The following CCPG1 variants were observed in gnomAD, a reference collection of about 807,000 sequenced individuals.
CCPG1 encodes cell cycle progression protein 1.
In CCPG1, 46 loss-of-function variants were observed where a neutral mutation model predicts 81.3. The observed-to-expected ratio is 0.57, with a 90% CI of 0.45 to 0.72. The LOEUF (loss-of-function observed/expected upper bound fraction) is 0.72, where lower values mean the gene tolerates loss of function less well. CCPG1 is among the 30% of genes least tolerant of loss of function. CCPG1 has a pLI of 0.00. For missense variants in CCPG1, 902 were observed against 937.6 expected (o/e 0.96, Z 0.50); for synonymous variants, 330 against 305.2 (o/e 1.08, Z -0.85).
At chr15:55,385,770 T>A in intron 2 of CCPG1, 56 bp from the exon 3 acceptor site, 1 of 870,788 alleles carries the variant, frequency 1.1e-6, no homozygotes, top group South Asian at 1.4e-5. Context: ...CAAAGCTAGA[T>A]TTGACTACAT....
chr15:55,359,265 A>G, intron 8 of CCPG1: 4 of 1,114,530 alleles, frequency 3.6e-6, no homozygotes, highest in Non-Finnish European at 4.4e-6. Context: ...AAACTTGGCC[A>G]AAGTAGGATT....
At chr15:55,372,194 G>A (rs532698274) in intron 5 of CCPG1, 150 bp from the exon 6 acceptor site, 9 of 698,360 alleles carry the variant, frequency 1.3e-5, no homozygotes, top group African/African-American at 5.4e-5. Flanking sequence ...ACAAAAACAC[G>A]GGTTTTCAAC....
At chr15:55,356,870 T>C in intron 8 of CCPG1, 1 of 986,088 alleles carries the variant, frequency 1.0e-6, no homozygotes, top group Non-Finnish European at 1.2e-6. Flanking sequence ...CAGGCTTCCG[T>C]CACTACTTCA....
At position 55,406,461 on chromosome 15, in the gene CCPG1, T is replaced by TG. The variant is rs796676789; in HGVS notation, c.-10+1759_-10+1760insC. Among the ~76,000 whole-genome samples, 9 of 145,914 alleles carry TG rather than the reference T, an allele frequency of 6.2e-5. 1 individual carries two copies. The highest frequency in any genetic ancestry group is 2.3e-4 in the African/African-American group (9 of 39,784). ...CTTTTTTTTTTTTTGTTTTTTTTTTTTTGTTTTTTTGAGATAATCTCACTC... is the reference window on the plus strand; with the variant it reads ...CTTTTTTTTTTTTTGTTTTTTTTTTTGTTGTTTTTTTGAGATAATCTCACTC... On this transcript the variant is annotated intron_variant, in intron 1 of 8. Transcript: ENST00000442196.
At chr15:55,399,516 G>A (rs914976947) in intron 1 of CCPG1, among the ~76,000 whole-genome samples, 2 of 151,824 alleles carry the variant, frequency 1.3e-5, no homozygotes, top group Non-Finnish European at 2.9e-5. Flanking sequence ...TTGAATCCAG[G>A]AGGCAGAGAT....
chr15:55,405,529 A>G (rs911529376), intron 1 of CCPG1, among the ~76,000 whole-genome samples: 31 of 152,068 alleles, frequency 2.0e-4, no homozygotes, highest in Admixed American at 2.0e-3. Flanking sequence ...CATACAATAG[A>G]GCAAGACTCT....
At chr15:55,374,276 G>C (rs750821045) in intron 5 of CCPG1, 1 of 1,174,388 alleles carries the variant, frequency 8.5e-7, no homozygotes. Flanking sequence ...AGGAAAAAAA[G>C]AGGCATAAAG....
At chr15:55,402,460 C>T (rs1213730371) in intron 1 of CCPG1, among the ~76,000 whole-genome samples, 1 of 152,150 alleles carries the variant, frequency 6.6e-6, no homozygotes, top group Non-Finnish European at 1.5e-5. Context: ...AACTCCTGAC[C>T]TCAGGTGATC....
At chr15:55,379,074 C>G (rs2056624442) in intron 3 of CCPG1, among the ~76,000 whole-genome samples, 1 of 144,736 alleles carries the variant, frequency 6.9e-6, no homozygotes, top group Admixed American at 6.8e-5. Context: ...TTCTAAAGAC[C>G]ATTCTAATGG....
Position 55,361,443 on chromosome 15 carries a change from C to T in CCPG1, c.829-499G>A, listed in dbSNP as rs187173837. The stretch of plus-strand genomic sequence containing the variant: ...AAATTATTAGCTGGGCGCGGTGGCT[C>T]ATGCCTGTAATCCCAGCACTTTGGG... On this transcript the variant is annotated intron_variant, in intron 7 of 8. Transcript: ENST00000442196. Among the ~76,000 whole-genome samples the T allele has an allele frequency of 3.0e-3, 463 of 151,850 alleles. 5 individuals carry two copies. The highest frequency in any genetic ancestry group is 0.011 in the African/African-American group (451 of 41,450).
At chr15:55,390,052 T>C (rs543703124) in intron 1 of CCPG1, among the ~76,000 whole-genome samples, 1 of 151,966 alleles carries the variant, frequency 6.6e-6, no homozygotes, top group African/African-American at 2.4e-5. Context: ...GCCTCCCGAG[T>C]AGCTGGGACT....
chr15:55,381,009 C>A (rs1410685879), intron 3 of CCPG1, among the ~76,000 whole-genome samples: 1 of 151,938 alleles, frequency 6.6e-6, no homozygotes, highest in South Asian at 2.1e-4. Context: ...TGGTGGTGGG[C>A]ACCTGTAGTC....
intron 6 of CCPG1, among the ~76,000 whole-genome samples, chr15:55,366,976 C>T (rs1456368258): frequency 3.9e-5 from 6 of 152,166 alleles, no homozygotes. Context: ...AGAAAGGATG[C>T]AGTGATCACT....
At position 55,372,044 on chromosome 15, in the gene CCPG1, A is replaced by C; in HGVS notation, c.455T>G (p.Val152Gly). 1 of 1,609,398 alleles carries C rather than the reference A, an allele frequency of 6.2e-7. No homozygotes were observed. Among genetic ancestry groups the C allele is most frequent in the Non-Finnish European group, 8.5e-7 (1 of 1,177,732 alleles). The part of the protein sequence containing the change: ...SQYTFCQPET[V>G]FSSQPSDDES... ...ATCGTCACTAGGCTGAGATGAAAAT[A>C]CTATTAAGAAAAAAGTTGACATTTA... is the stretch of plus-strand genomic sequence containing the variant. The change falls in exon 6 of 9, where the codon GTA becomes GGA. Residue 152 changes from valine to glycine, a missense_variant and splice_region_variant. Val to Gly is a moderately radical substitution (Grantham distance 109, BLOSUM62 -3). Transcript: ENST00000442196.
chr15:55,361,523 T>G (rs540805842), intron 7 of CCPG1, among the ~76,000 whole-genome samples: 1 of 151,366 alleles, frequency 6.6e-6, no homozygotes, highest in African/African-American at 2.4e-5. Context: ...CTGGCCTACG[T>G]GGTGAAACCC....
chr15:55,361,248 A>G (rs1166317193), intron 7 of CCPG1, among the ~76,000 whole-genome samples: 1 of 150,500 alleles, frequency 6.6e-6, no homozygotes, highest in African/African-American at 2.4e-5. Context: ...GCTCACTATA[A>G]CCTCTGCCTC....
chr15:55,359,994 C>A lies in CCPG1; in HGVS notation c.1779G>T (p.Arg593Ser). The change falls in exon 8 of 9, where the codon AGG becomes AGT. Residue 593 changes from arginine to serine, a missense_variant. This residue lies in a region of CCPG1 where 746 missense variants were observed against 728.6 expected (regional missense o/e 1.02). Transcript: ENST00000442196. ...CTTTAAAGTGAACTGGCTTTTCTTT[C>A]CTTCCATCATTTTGCATAGTAGGGC... ...NRGPTMQNDG[R>S]KEKPVHFKEF... 1 of 1,612,890 alleles carries A rather than the reference C, an allele frequency of 6.2e-7. No homozygotes were observed. Among genetic ancestry groups the A allele is most frequent in the Non-Finnish European group, 8.5e-7 (1 of 1,179,758 alleles).
intron 6 of CCPG1, among the ~76,000 whole-genome samples, chr15:55,371,551 C>T (rs1286592596): frequency 6.6e-6 from 1 of 152,144 alleles, no homozygotes; most frequent in Admixed American, 6.5e-5. Flanking sequence ...TTAAAAGAGT[C>T]ACAAACATAT....
intron 8 of CCPG1, chr15:55,358,973 A>C: frequency 1.0e-6 from 1 of 975,780 alleles, no homozygotes; most frequent in Non-Finnish European, 1.2e-6. Context: ...AATTATTATG[A>C]AGTACACACA....
Sources: allele counts gnomAD v4.1 joint callset (sites outside exome capture counted in the v4.1 genomes callset), GRCh38; gene constraint gnomAD v4.1.1; regional missense constraint gnomAD v4.1.1; transcripts MANE v1.5; gene names NCBI Gene and HGNC (gene_info 2026-07-23, HGNC 2026-07-21).